Variants in PDE1C observed in about 807,000 individuals in gnomAD.
PDE1C encodes the protein phosphodiesterase 1C, also known as dual specificity calcium/calmodulin-dependent 3',5'-cyclic nucleotide phosphodiesterase 1C.
PDE1C carries 62 observed loss-of-function variants against 93.1 expected under a neutral mutation model. The observed-to-expected ratio is 0.67, with a 90% confidence interval of 0.54 to 0.82. PDE1C has a LOEUF of 0.82. Among genes scored for constraint, PDE1C ranks in the 40% least tolerant of loss-of-function variants. The pLI is 0.00. For missense variants in PDE1C, 742 were observed against 884.6 expected, an observed-to-expected ratio of 0.84 and a Z score of 2.04; for synonymous variants, 325 against 310.1, an observed-to-expected ratio of 1.05 and a Z score of -0.50.
At chr7:32,415,433 AG>A (rs2128098650) in intron 1 of PDE1C, among the ~76,000 whole-genome samples, 2 of 152,342 alleles carry the variant, frequency 1.3e-5, no homozygotes, top group African/African-American at 2.4e-5. Flanking sequence ...ACTGGGCAAC[AG>A]AGCAAGACTC....
chr7:31,777,518 G>A (rs75809901), intron 16 of PDE1C, among the ~76,000 whole-genome samples: 6,176 of 151,806 alleles, frequency 0.041, 288 homozygotes, highest in East Asian at 0.19. Context: ...TAGTAGAGAC[G>A]GGGTTTCACT....
chr7:32,122,200 A>G (rs947175669), intron 3 of PDE1C, among the ~76,000 whole-genome samples: 1 of 152,268 alleles, frequency 6.6e-6, no homozygotes, highest in Admixed American at 6.5e-5. Flanking sequence ...CATCCAATAT[A>G]GGAGCAGCCA....
In PDE1C at chr7:31,824,856, T is replaced by C. The variant is rs774492274; in HGVS notation, c.1406+11A>G. The C allele has an allele frequency of 4.5e-5, 72 of 1,611,870 alleles. No individual in the cohort carries two copies. Among genetic ancestry groups the C allele is most frequent in the Non-Finnish European group, 5.5e-5 (65 of 1,178,638 alleles). On this transcript the variant is annotated intron_variant, in intron 13 of 17. Coordinates refer to ENST00000396191, the MANE Select transcript of PDE1C (RefSeq NM_001191057.4). ...CAACCTCACCCTCAGCCCTCAAGCT[T>C]CCCCACTGACCTCGAACGCCTCTGT...
chr7:31,940,448 TTAGGC>T (rs1031192195), intron 2 of PDE1C, among the ~76,000 whole-genome samples: 4 of 152,176 alleles, frequency 2.6e-5, no homozygotes, highest in African/African-American at 9.7e-5. Context: ...TCATCCTCTT[TTAGGC>T]TAGAAGAAAA....
chr7:32,177,954 T>C (rs1156476585), intron 2 of PDE1C, among the ~76,000 whole-genome samples: 3 of 152,172 alleles, frequency 2.0e-5, no homozygotes, highest in African/African-American at 4.8e-5. Context: ...CCCTGAGGAA[T>C]TGAAGAGGGA....
chr7:31,652,534 C>T, the PDE1C span: 2 of 1,601,388 alleles, frequency 1.2e-6, no homozygotes, highest in South Asian at 1.1e-5. Context: ...GAGGTTCTCA[C>T]AGCAGAGCCA....
the PDE1C span, chr7:31,656,379 G>C: frequency 1.7e-5 from 7 of 402,142 alleles, no homozygotes; most frequent in African/African-American, 1.3e-4. Flanking sequence ...AGAGTTGTTG[G>C]ACAGAATAAA....
chr7:32,240,478 A>G (rs192918671), intron 1 of PDE1C, among the ~76,000 whole-genome samples: 8 of 152,332 alleles, frequency 5.3e-5, no homozygotes, highest in Admixed American at 5.2e-4. Context: ...CTATGATAAA[A>G]AATAAAGCAG....
chr7:32,313,430 G>C (rs1193779908), intron 1 of PDE1C, among the ~76,000 whole-genome samples: 1 of 151,836 alleles, frequency 6.6e-6, no homozygotes. Context: ...TATAAATCAT[G>C]CTGCTATAAA....
chr7:31,656,892 A>G, the PDE1C span, among the ~76,000 whole-genome samples: 3 of 58,812 alleles, frequency 5.1e-5, no homozygotes, highest in African/African-American at 2.0e-4. Flanking sequence ...AGGCTGCTCT[A>G]TCCCACCAGG....
intron 1 of PDE1C, among the ~76,000 whole-genome samples, chr7:32,229,037 C>G (rs998694184): frequency 6.6e-6 from 1 of 152,210 alleles, no homozygotes; most frequent in South Asian, 2.1e-4. Flanking sequence ...CACCCCCAAG[C>G]CCCACTCTAA....
At chr7:32,203,662 G>A (rs56776387) in intron 2 of PDE1C, among the ~76,000 whole-genome samples, 5,695 of 152,058 alleles carry the variant, frequency 0.037, 359 homozygotes, top group African/African-American at 0.13. Flanking sequence ...ATTATCCGAG[G>A]GGGTACGTTC....
intron 3 of PDE1C, among the ~76,000 whole-genome samples, chr7:32,168,593 T>C (rs932236405): frequency 8.5e-5 from 13 of 152,186 alleles, no homozygotes; most frequent in Non-Finnish European, 1.9e-4. Context: ...TTGCTGAGAA[T>C]TGCAGGTTCA....
At chr7:32,350,685 G>A (rs1451201734) in intron 1 of PDE1C, among the ~76,000 whole-genome samples, 2 of 6,674 alleles carry the variant, frequency 3.0e-4, no homozygotes, top group African/African-American at 4.2e-4. Flanking sequence ...ATGCTGGTGC[G>A]CTGCACCCAC....
At chr7:31,624,329 A>C in the PDE1C span, among the ~76,000 whole-genome samples, 1 of 147,518 alleles carries the variant, frequency 6.8e-6, no homozygotes, top group Non-Finnish European at 1.5e-5. Flanking sequence ...TCCTAAGCCA[A>C]AAGAACACAG....
intron 2 of PDE1C, among the ~76,000 whole-genome samples, chr7:31,947,259 A>G (rs528404608): frequency 2.0e-5 from 3 of 152,338 alleles, no homozygotes; most frequent in African/African-American, 7.2e-5. Context: ...ACCCATCTGT[A>G]GCTTGGAGAG....
chr7:32,412,468 A>AAAAAAG (rs1285209868), intron 1 of PDE1C, among the ~76,000 whole-genome samples: 2 of 152,042 alleles, frequency 1.3e-5, no homozygotes, highest in African/African-American at 4.8e-5. Flanking sequence ...AAAAAAAAAA[A>AAAAAAG]AAAAGTTTAG....
At chr7:31,780,877 A>G (rs1783362494) in intron 16 of PDE1C, among the ~76,000 whole-genome samples, 1 of 151,728 alleles carries the variant, frequency 6.6e-6, no homozygotes, top group Admixed American at 6.6e-5. Context: ...TTGGGAAATA[A>G]ACACTTTAAG....
At chr7:32,181,572 G>A (rs1012807435) in intron 2 of PDE1C, among the ~76,000 whole-genome samples, 1 of 151,950 alleles carries the variant, frequency 6.6e-6, no homozygotes, top group Admixed American at 6.6e-5. Context: ...CGAAATGAAG[G>A]CAGAAATAAA....
Sources: allele counts gnomAD v4.1 joint callset (sites outside exome capture counted in the v4.1 genomes callset), GRCh38; gene constraint gnomAD v4.1.1; transcripts MANE v1.5; gene names NCBI Gene and HGNC (gene_info 2026-07-23, HGNC 2026-07-21).